TMEM196: variants seen among roughly 807,000 people sequenced by gnomAD.
TMEM196 encodes the protein transmembrane protein 196.
In TMEM196, 17 loss-of-function variants were observed where a neutral mutation model predicts 20.0. That is an observed-to-expected ratio of 0.85 (90% CI 0.58 to 1.27). The LOEUF is 1.27. TMEM196 is among the 50% of genes most tolerant of loss of function. The pLI is 0.00. For missense variants in TMEM196, 267 were observed against 223.0 expected (o/e 1.20, Z -1.26); for synonymous variants, 113 against 88.9 (o/e 1.27, Z -1.52).
intron 1 of TMEM196, among the ~76,000 whole-genome samples, chr7:19,756,297 C>CT (rs1029933572): frequency 4.0e-5 from 6 of 151,168 alleles, no homozygotes; most frequent in African/African-American, 1.2e-4. Context: ...ATTTTACATT[C>CT]TTTTTTCCAT....
At position 19,772,809 on chromosome 7, in the gene TMEM196, T is replaced by C. The variant is rs1405075282; in HGVS notation, c.-113A>G. 9.1e-7 allele frequency: 1 copy of C among 1,094,332 alleles called. No individual in the cohort carries two copies. The highest frequency in any genetic ancestry group is 1.6e-5 in the African/African-American group (1 of 61,542). 67.8% of individuals were successfully genotyped at this position (1,094,332 alleles called of 1,614,324 possible). ...CCCCTACCAGATCCCAAAACTTTTC[T>C]TTCTTCAAGAGCGAGGCATTATCCA... On this transcript the variant is annotated 5_prime_UTR_variant, in exon 1 of 5. Transcript: ENST00000405844.
chr7:19,749,407 A>G (rs1170782681), intron 1 of TMEM196, among the ~76,000 whole-genome samples: 1 of 152,148 alleles, frequency 6.6e-6, no homozygotes, highest in Admixed American at 6.5e-5. Context: ...AGTGGGTGGG[A>G]TTTGCATTCA....
chr7:19,750,632 G>C (rs1253458415), intron 1 of TMEM196, among the ~76,000 whole-genome samples: 2 of 152,076 alleles, frequency 1.3e-5, no homozygotes, highest in East Asian at 3.9e-4. Flanking sequence ...TAGGACAACA[G>C]AGATTAAAAT....
rs1783966633 is a variant in TMEM196, at chr7:19,725,561, A to G, written c.412T>C (p.Ser138Pro). 6.2e-7 allele frequency: 1 copy of G among 1,613,498 alleles called. No individual in the cohort carries two copies. Among genetic ancestry groups the G allele is most frequent in the African/African-American group, 1.3e-5 (1 of 74,872 alleles). Residue 138 changes from serine (S) to proline (P), a missense_variant, in exon 3 of 5, where the codon TCA becomes CCA. Transcript: ENST00000405844. Reference protein sequence around the residue: ...LASYEQRRMFSEREHSLHHSH... With the variant: ...LASYEQRRMFPEREHSLHHSH... ...TGATGCAGGGAATGCTCCCTTTCTG[A>G]GAACATCCTCCTCTGTTCATAACTG... is the stretch of plus-strand genomic sequence containing the variant.
intron 4 of TMEM196, among the ~76,000 whole-genome samples, chr7:19,723,050 AT>A (rs1203516166): frequency 6.6e-6 from 1 of 151,954 alleles, no homozygotes; most frequent in Non-Finnish European, 1.5e-5. Flanking sequence ...AGTGGAAATT[AT>A]TTTCTCAATT....
intron 1 of TMEM196, among the ~76,000 whole-genome samples, chr7:19,731,523 G>A (rs762606974): frequency 4.6e-5 from 7 of 152,130 alleles, no homozygotes; most frequent in Non-Finnish European, 8.8e-5. Context: ...TTCTCCTTAA[G>A]TTTCCCTGAC....
intron 2 of TMEM196, among the ~76,000 whole-genome samples, chr7:19,728,889 GAAAAT>G (rs1012164752): frequency 7.9e-5 from 12 of 152,122 alleles, no homozygotes; most frequent in Non-Finnish European, 7.4e-5. Context: ...AGTAATAAAA[GAAAAT>G]AAAATAAATC....
Position 19,722,094 on chromosome 7 carries a change from A to G in TMEM196, c.*34T>C. 6.2e-7 allele frequency: 1 copy of G among 1,610,478 alleles called. No homozygotes were observed. The highest frequency in any genetic ancestry group is 8.5e-7 in the Non-Finnish European group (1 of 1,178,354). On this transcript the variant is annotated 3_prime_UTR_variant, in exon 5 of 5. Transcript: ENST00000405844. ...CATTGATTACACTCTTCCATTAAAT[A>G]TCAGCTGTGGTCCTCCATTGCTCAT...
intron 1 of TMEM196, among the ~76,000 whole-genome samples, chr7:19,765,106 A>C (rs1207968082): frequency 6.7e-6 from 1 of 148,814 alleles, no homozygotes; most frequent in African/African-American, 2.5e-5. Context: ...TTTTTCATAA[A>C]GTTGTTAAAA....
intron 1 of TMEM196, among the ~76,000 whole-genome samples, chr7:19,750,625 G>T (rs1472944989): frequency 6.6e-6 from 1 of 151,744 alleles, no homozygotes; most frequent in Non-Finnish European, 1.5e-5. Context: ...TCCCAAATAG[G>T]ACAACAGAGA....
intron 1 of TMEM196, among the ~76,000 whole-genome samples, chr7:19,746,560 A>G (rs1331631048): frequency 1.3e-5 from 2 of 152,244 alleles, no homozygotes; most frequent in Admixed American, 6.5e-5. Flanking sequence ...TTGTGAATAT[A>G]AATTACTGAA....
At chr7:19,724,443 G>C in intron 3 of TMEM196, 90 bp from the exon 4 acceptor site, 1 of 1,175,634 alleles carries the variant, frequency 8.5e-7, no homozygotes, top group South Asian at 1.4e-5. Context: ...GCACAAAAGA[G>C]CCACTATTCA....
chr7:19,767,414 T>C (rs1196011553), intron 1 of TMEM196, among the ~76,000 whole-genome samples: 3 of 152,084 alleles, frequency 2.0e-5, no homozygotes, highest in African/African-American at 7.2e-5. Flanking sequence ...GTATTAATCA[T>C]ATAAGAAAGA....
chr7:19,762,036 A>G (rs899709785), intron 1 of TMEM196, among the ~76,000 whole-genome samples: 3 of 152,126 alleles, frequency 2.0e-5, no homozygotes, highest in Non-Finnish European at 4.4e-5. Flanking sequence ...GAATATTTTG[A>G]GCATGCTAAG....
intron 1 of TMEM196, among the ~76,000 whole-genome samples, chr7:19,764,736 A>C (rs1466282518): frequency 4.6e-5 from 7 of 152,164 alleles, no homozygotes; most frequent in Non-Finnish European, 1.0e-4. Flanking sequence ...AATGGCAGGA[A>C]CGATTTAGGT....
In TMEM196 at chr7:19,720,582, C is replaced by G. The variant is rs1459938769; in HGVS notation, c.*1546G>C. 1.3e-5 allele frequency: 2 copies of G among 151,860 alleles called. No individual in the cohort carries two copies. Among genetic ancestry groups the G allele is most frequent in the Non-Finnish European group, 2.9e-5 (2 of 67,840 alleles). 9.4% of individuals were successfully genotyped at this position (151,860 alleles called of 1,614,324 possible). Reference sequence around the variant, plus strand: ...ATTTAAAAATGATAGATTTCTTTGTCTGTTGCCAGAGGTTATATTCTGATA... The same window carrying G: ...ATTTAAAAATGATAGATTTCTTTGTGTGTTGCCAGAGGTTATATTCTGATA... On this transcript the variant is annotated 3_prime_UTR_variant, in exon 5 of 5. Coordinates refer to ENST00000405844, the MANE Select transcript of TMEM196 (RefSeq NM_001363562.2).
chr7:19,731,673 G>A (rs1334047402), intron 1 of TMEM196, among the ~76,000 whole-genome samples: 1 of 152,200 alleles, frequency 6.6e-6, no homozygotes, highest in Non-Finnish European at 1.5e-5. Flanking sequence ...AAGCCCAAGA[G>A]GTGGTCAGGA....
chr7:19,763,898 T>G (rs1042928975), intron 1 of TMEM196, among the ~76,000 whole-genome samples: 12 of 152,176 alleles, frequency 7.9e-5, no homozygotes, highest in African/African-American at 2.7e-4. Context: ...GATTGTTCAG[T>G]GAGATAATGT....
intron 2 of TMEM196, among the ~76,000 whole-genome samples, chr7:19,727,673 AAATC>A (rs1784048372): frequency 6.6e-6 from 1 of 152,194 alleles, no homozygotes; most frequent in Admixed American, 6.5e-5. Flanking sequence ...AAAGATATTA[AAATC>A]TAGCTTCAAA....
Sources: gnomAD v4.1 joint callset for allele counts (sites outside exome capture counted in the v4.1 genomes callset) on GRCh38, gnomAD v4.1.1 for gene constraint, MANE v1.5 for transcripts, NCBI Gene and HGNC (gene_info 2026-07-23, HGNC 2026-07-21) for gene names.